Variants in KCNH7 observed in about 807,000 individuals in gnomAD.
KCNH7 encodes the protein voltage-gated inwardly rectifying potassium channel KCNH7.
KCNH7 carries 49 observed loss-of-function variants against 120.8 expected under a neutral mutation model. That is an observed-to-expected ratio of 0.41 (90% CI 0.32 to 0.51). The LOEUF (loss-of-function observed/expected upper bound fraction) is 0.51, where lower values mean the gene tolerates loss of function less well. KCNH7 is among the 20% of genes least tolerant of loss of function. The pLI, the probability that KCNH7 is intolerant of heterozygous loss-of-function variation, is 0.38. For missense variants in KCNH7, 1,097 were observed against 1,446.6 expected (o/e 0.76, Z 3.92); for synonymous variants, 547 against 516.1 (o/e 1.06, Z -0.81).
At chr2:162,574,515 G>C (rs1693603451) in intron 2 of KCNH7, among the ~76,000 whole-genome samples, 1 of 152,034 alleles carries the variant, frequency 6.6e-6, no homozygotes, top group South Asian at 2.1e-4. Flanking sequence ...CACTTGAAAT[G>C]TAAGCTATTT....
intron 2 of KCNH7, among the ~76,000 whole-genome samples, chr2:162,539,335 T>G (rs1692224635): frequency 6.6e-6 from 1 of 152,104 alleles, no homozygotes; most frequent in African/African-American, 2.4e-5. Flanking sequence ...ATTTAGAATA[T>G]CATTGTGAAT....
chr2:162,531,817 T>C (rs1464563801), intron 3 of KCNH7, among the ~76,000 whole-genome samples: 3 of 151,966 alleles, frequency 2.0e-5, no homozygotes, highest in African/African-American at 7.2e-5. Context: ...CATTTAGACA[T>C]ACCTAAGGAA....
intron 5 of KCNH7, among the ~76,000 whole-genome samples, chr2:162,511,595 G>A (rs1209809580): frequency 6.6e-6 from 1 of 151,462 alleles, no homozygotes; most frequent in Non-Finnish European, 1.5e-5. Flanking sequence ...GGGTGGGTTT[G>A]GGGGGATACT....
intron 12 of KCNH7, among the ~76,000 whole-genome samples, chr2:162,385,883 T>A (rs1202907820): frequency 6.6e-6 from 1 of 151,868 alleles, no homozygotes; most frequent in Admixed American, 6.6e-5. Context: ...TTTTTAAAAA[T>A]TCCCATATGG....
At chr2:162,834,208 A>G (rs1573946384) in intron 2 of KCNH7, among the ~76,000 whole-genome samples, 1 of 152,086 alleles carries the variant, frequency 6.6e-6, no homozygotes, top group Non-Finnish European at 1.5e-5. Context: ...TATAAATAAA[A>G]CCAAGACACA....
chr2:162,388,248 T>G (rs1162736279), intron 12 of KCNH7, among the ~76,000 whole-genome samples: 3 of 151,820 alleles, frequency 2.0e-5, no homozygotes, highest in Non-Finnish European at 2.9e-5. Flanking sequence ...GTTTCAGATA[T>G]GCAGAATGAA....
chr2:162,379,765 C>T (rs78358420), intron 14 of KCNH7, 88 bp downstream of exon 14: 1 of 1,254,958 alleles, frequency 8.0e-7, no homozygotes, highest in South Asian at 1.4e-5. Flanking sequence ...GAGATCATGG[C>T]AAGGAGAATT....
At chr2:162,640,837 GAAAC>G (rs1684128406) in intron 2 of KCNH7, among the ~76,000 whole-genome samples, 1 of 152,040 alleles carries the variant, frequency 6.6e-6, no homozygotes. Flanking sequence ...ACTAGTGAAA[GAAAC>G]AAACAACCCA....
chr2:162,786,702 A>G (rs1169775869), intron 2 of KCNH7, among the ~76,000 whole-genome samples: 1 of 152,178 alleles, frequency 6.6e-6, no homozygotes, highest in East Asian at 1.9e-4. Flanking sequence ...ACTGAACATG[A>G]CCTATGTTGA....
At chr2:162,621,995 T>C (rs1231764132) in intron 2 of KCNH7, among the ~76,000 whole-genome samples, 2 of 152,228 alleles carry the variant, frequency 1.3e-5, no homozygotes, top group Admixed American at 6.5e-5. Flanking sequence ...TTTTAAAGAA[T>C]ATTCAGTCTA....
chr2:162,718,338 T>C (rs562413563), intron 2 of KCNH7, among the ~76,000 whole-genome samples: 1 of 152,028 alleles, frequency 6.6e-6, no homozygotes, highest in Non-Finnish European at 1.5e-5. Flanking sequence ...TCAATGACCA[T>C]CATTGTCTAA....
At chr2:162,693,003 T>G (rs1686169234) in intron 2 of KCNH7, among the ~76,000 whole-genome samples, 1 of 152,178 alleles carries the variant, frequency 6.6e-6, no homozygotes. Flanking sequence ...GCTTAGTTTG[T>G]AAAAAGGTAA....
intron 2 of KCNH7, among the ~76,000 whole-genome samples, chr2:162,745,424 A>T (rs1688282713): frequency 6.6e-6 from 1 of 152,200 alleles, no homozygotes; most frequent in Non-Finnish European, 1.5e-5. Flanking sequence ...GAGCAAATAA[A>T]TGACAAAGAA....
chr2:162,674,661 A>G (rs1685475225), intron 2 of KCNH7, among the ~76,000 whole-genome samples: 1 of 151,774 alleles, frequency 6.6e-6, no homozygotes, highest in Admixed American at 6.6e-5. Context: ...GAGCAATTCA[A>G]CAAAACAGAA....
At chr2:162,655,879 T>C (rs1191585298) in intron 2 of KCNH7, among the ~76,000 whole-genome samples, 2 of 152,170 alleles carry the variant, frequency 1.3e-5, no homozygotes, top group East Asian at 3.9e-4. Context: ...ACATCGATAG[T>C]TCTCAAAAAT....
At chr2:162,670,088 C>T (rs1454211016) in intron 2 of KCNH7, among the ~76,000 whole-genome samples, 7 of 151,812 alleles carry the variant, frequency 4.6e-5, no homozygotes, top group Non-Finnish European at 8.8e-5. Context: ...GCGACAAGAG[C>T]GAAACTCGGT....
At chr2:162,441,384 T>A (rs1046461781) in intron 7 of KCNH7, among the ~76,000 whole-genome samples, 14 of 152,144 alleles carry the variant, frequency 9.2e-5, no homozygotes, top group African/African-American at 2.9e-4. Flanking sequence ...GACTAATAAA[T>A]CAAACATATT....
chr2:162,611,947 G>A (rs1208632038), intron 2 of KCNH7, among the ~76,000 whole-genome samples: 1 of 152,178 alleles, frequency 6.6e-6, no homozygotes, highest in African/African-American at 2.4e-5. Flanking sequence ...AATGGAGAAA[G>A]TCATTGCAGG....
At chr2:162,684,679 A>C (rs947319651) in intron 2 of KCNH7, among the ~76,000 whole-genome samples, 3 of 152,192 alleles carry the variant, frequency 2.0e-5, no homozygotes, top group Admixed American at 6.5e-5. Flanking sequence ...AATGGTGATC[A>C]TTAAAAAGTC....
Sources: gnomAD v4.1 joint callset for allele counts (sites outside exome capture counted in the v4.1 genomes callset) on GRCh38, gnomAD v4.1.1 for gene constraint, MANE v1.5 for transcripts, NCBI Gene and HGNC (gene_info 2026-07-23, HGNC 2026-07-21) for gene names.